ARMH3: variants seen among roughly 807,000 people sequenced by gnomAD.
ARMH3 encodes armadillo like helical domain containing 3.
ARMH3 carries 60 observed loss-of-function variants against 99.1 expected under a neutral mutation model. The ratio of observed to expected loss-of-function variants is 0.61; its 90% CI spans 0.49 to 0.75. The LOEUF is 0.75. Among genes scored for constraint, ARMH3 ranks in the 30% least tolerant of loss-of-function variants. The pLI is 0.00. For synonymous variants in ARMH3, 285 were observed against 292.8 expected, an observed-to-expected ratio of 0.97 and a Z score of 0.27; for missense variants, 679 against 843.1, an observed-to-expected ratio of 0.81 and a Z score of 2.41.
At chr10:102,050,479 C>A (rs909875648) in intron 1 of ARMH3, among the ~76,000 whole-genome samples, 2 of 151,924 alleles carry the variant, frequency 1.3e-5, no homozygotes, top group African/African-American at 4.8e-5. Flanking sequence ...TACATACATA[C>A]ATAAATAAAT....
At chr10:101,942,806 C>T (rs894105167) in intron 22 of ARMH3, among the ~76,000 whole-genome samples, 1 of 149,054 alleles carries the variant, frequency 6.7e-6, no homozygotes, top group Admixed American at 6.8e-5. Flanking sequence ...GCACAAGTTG[C>T]AGTGAACCAA....
intron 1 of ARMH3, among the ~76,000 whole-genome samples, chr10:102,042,616 A>T (rs1221404499): frequency 6.6e-6 from 1 of 152,170 alleles, no homozygotes; most frequent in Non-Finnish European, 1.5e-5. Flanking sequence ...TTTACCACCC[A>T]AGCTGCCTGA....
chr10:101,889,885 G>C (rs994480042), intron 23 of ARMH3: 28 of 186,548 alleles, frequency 1.5e-4, no homozygotes, highest in African/African-American at 6.5e-4. Context: ...AGTAAAGCTG[G>C]GCCAACAACA....
intron 23 of ARMH3, among the ~76,000 whole-genome samples, chr10:101,907,991 C>G (rs1842708342): frequency 6.6e-6 from 1 of 152,164 alleles, no homozygotes; most frequent in African/African-American, 2.4e-5. Context: ...TTTAGCCAAC[C>G]CATCATATCT....
chr10:101,956,788 A>AT (rs1389151520), intron 21 of ARMH3, 65 bp from the exon 22 acceptor site: 10 of 1,556,738 alleles, frequency 6.4e-6, no homozygotes, highest in African/African-American at 1.4e-5. Flanking sequence ...TATCAGTGGT[A>AT]TGCTGTAGCC....
chr10:101,975,329 T>A, intron 19 of ARMH3, 29 bp from the exon 20 acceptor site: 2 of 1,544,204 alleles, frequency 1.3e-6, no homozygotes, highest in Non-Finnish European at 8.9e-7. Flanking sequence ...AAAATGAGGG[T>A]AAGCCTGAGA....
At chr10:102,013,895 A>C in intron 9 of ARMH3, 73 bp downstream of exon 9, 1 of 1,269,940 alleles carries the variant, frequency 7.9e-7, no homozygotes, top group Non-Finnish European at 1.1e-6. Context: ...CTCTGTTCTA[A>C]ATGTACTTTC....
chr10:101,864,373 C>T (rs1161572836), intron 24 of ARMH3, among the ~76,000 whole-genome samples: 1 of 152,162 alleles, frequency 6.6e-6, no homozygotes, highest in African/African-American at 2.4e-5. Flanking sequence ...TACCATTTGA[C>T]CCAGCCATCC....
chr10:101,866,013 G>A (rs1240081011), intron 24 of ARMH3, among the ~76,000 whole-genome samples: 1 of 151,404 alleles, frequency 6.6e-6, no homozygotes, highest in African/African-American at 2.4e-5. Flanking sequence ...CTGAGGTCAG[G>A]AGTTCAAGAC....
intron 20 of ARMH3, among the ~76,000 whole-genome samples, chr10:101,962,975 T>C (rs1845365405): frequency 2.0e-5 from 3 of 149,740 alleles, no homozygotes; most frequent in South Asian, 2.1e-4. Context: ...TTTTTCTTTT[T>C]TTTTTTTTTT....
intron 24 of ARMH3, among the ~76,000 whole-genome samples, chr10:101,886,662 C>T (rs939380980): frequency 3.0e-4 from 45 of 152,250 alleles, no homozygotes; most frequent in African/African-American, 1.1e-3. Context: ...GTGTGAAAGG[C>T]TGGGCTTTGT....
At chr10:101,956,818 G>A in intron 21 of ARMH3, 95 bp from the exon 22 acceptor site, 1 of 1,266,846 alleles carries the variant, frequency 7.9e-7, no homozygotes, top group South Asian at 2.5e-5. Context: ...TGTCTTGCAA[G>A]AGTTGACTGT....
At chr10:101,949,660 TAAAC>T (rs1844702922) in intron 22 of ARMH3, among the ~76,000 whole-genome samples, 1 of 152,128 alleles carries the variant, frequency 6.6e-6, no homozygotes, top group African/African-American at 2.4e-5. Context: ...AAACCACTCT[TAAAC>T]AAATTCTTCT....
chr10:101,935,548 G>C (rs898647811), intron 23 of ARMH3, among the ~76,000 whole-genome samples: 30 of 152,132 alleles, frequency 2.0e-4, no homozygotes, highest in Non-Finnish European at 1.8e-4. Flanking sequence ...TCACCTGCTA[G>C]GGAGACACTA....
Position 101,935,986 on chromosome 10 carries a change from T to TA in ARMH3, c.1781+3876dup, listed in dbSNP as rs376773876. Among the ~76,000 whole-genome samples the TA allele has an allele frequency of 2.1e-3, 326 of 152,286 alleles. 1 individual carries two copies. Among genetic ancestry groups the TA allele is most frequent in the African/African-American group, 7.5e-3 (312 of 41,552 alleles). ...GTCATGGGTATATAACACAAGCTATTAGCGAAAGGCAAAGGAGCCTAAGGC... is the reference window on the plus strand; with the variant it reads ...GTCATGGGTATATAACACAAGCTATTAAGCGAAAGGCAAAGGAGCCTAAGGC... On this transcript the variant is annotated intron_variant, in intron 23 of 25. Coordinates refer to ENST00000370033, the MANE Select transcript of ARMH3 (RefSeq NM_024541.3).
rs556032865 is a variant in ARMH3 at position 101,850,516 on chromosome 10, C to T, written c.1861-624G>A. 1.3e-3 allele frequency among the ~76,000 whole-genome samples: 203 copies of T among 152,000 alleles called. 1 individual carries two copies. Among genetic ancestry groups the T allele is most frequent in the Non-Finnish European group, 2.1e-3 (141 of 67,964 alleles). ...CTCAGCTCACTGCAACCTCTGCCTC[C>T]TGGGTTCAAGCAATTCTCATGCCTC... is the stretch of plus-strand genomic sequence containing the variant. On this transcript the variant is annotated intron_variant, in intron 24 of 25. Transcript: ENST00000370033.
At chr10:101,998,324 A>G (rs531112066) in intron 15 of ARMH3, among the ~76,000 whole-genome samples, 1 of 152,210 alleles carries the variant, frequency 6.6e-6, no homozygotes, top group African/African-American at 2.4e-5. Flanking sequence ...AAAGTGATAC[A>G]CAAGTCTGGT....
At chr10:102,029,028 C>G (rs767392582) in intron 5 of ARMH3, among the ~76,000 whole-genome samples, 1 of 152,128 alleles carries the variant, frequency 6.6e-6, no homozygotes, top group Non-Finnish European at 1.5e-5. Flanking sequence ...GCACGTGCCA[C>G]CATACGCAGA....
chr10:101,857,812 G>T (rs953290942), intron 24 of ARMH3, among the ~76,000 whole-genome samples: 14 of 152,178 alleles, frequency 9.2e-5, no homozygotes, highest in African/African-American at 3.1e-4. Flanking sequence ...GAAATGGAAG[G>T]TCTTATCTTT....
Sources: allele counts gnomAD v4.1 joint callset (sites outside exome capture counted in the v4.1 genomes callset), GRCh38; gene constraint gnomAD v4.1.1; transcripts MANE v1.5; gene names NCBI Gene and HGNC (gene_info 2026-07-23, HGNC 2026-07-21).